SLC4A4: variants seen among roughly 807,000 people sequenced by gnomAD.
SLC4A4 encodes electrogenic sodium bicarbonate cotransporter 1.
SLC4A4 carries 27 observed loss-of-function variants against 111.5 expected under a neutral mutation model. The ratio of observed to expected loss-of-function variants is 0.24; its 90% CI spans 0.18 to 0.33. The LOEUF (loss-of-function observed/expected upper bound fraction) is 0.33, where lower values mean the gene tolerates loss of function less well. SLC4A4 is among the 10% of genes least tolerant of loss of function. The probability of loss-of-function intolerance (pLI) is 1.00; values close to 1 mark genes in which losing one functional copy is unlikely to be tolerated. For synonymous variants in SLC4A4, 443 were observed against 463.4 expected (o/e 0.96, Z 0.57); for missense variants, 909 against 1,315.5 (o/e 0.69, Z 4.78).
chr4:71,488,927 T>TGTGTGTGTGG (rs1473163089), intron 15 of SLC4A4, among the ~76,000 whole-genome samples: 9 of 149,056 alleles, frequency 6.0e-5, no homozygotes, highest in African/African-American at 2.2e-4. Flanking sequence ...TGTGTGTGTG[T>TGTGTGTGTGG]GGTCATGAAG....
chr4:71,394,018 T>C (rs1719557744), intron 6 of SLC4A4, among the ~76,000 whole-genome samples: 1 of 152,102 alleles, frequency 6.6e-6, no homozygotes, highest in Admixed American at 6.6e-5. Flanking sequence ...CAACTCAAGA[T>C]GGATTAAGGA....
chr4:71,515,581 T>G (rs1560578325), intron 16 of SLC4A4, among the ~76,000 whole-genome samples: 2 of 152,210 alleles, frequency 1.3e-5, no homozygotes, highest in Non-Finnish European at 2.9e-5. Context: ...TGTTAAAATC[T>G]TCTACTGTTA....
intron 1 of SLC4A4, among the ~76,000 whole-genome samples, chr4:71,218,762 A>G (rs1560787522): frequency 6.6e-6 from 1 of 152,188 alleles, no homozygotes; most frequent in Non-Finnish European, 1.5e-5. Flanking sequence ...GTCAAGCTTA[A>G]ATAATTCATA....
chr4:71,398,669 T>C (rs752620220), intron 7 of SLC4A4, among the ~76,000 whole-genome samples: 1 of 152,158 alleles, frequency 6.6e-6, no homozygotes, highest in Non-Finnish European at 1.5e-5. Flanking sequence ...AGAAGTAGCA[T>C]ATATTGGAAA....
At chr4:71,266,399 CA>C (rs1472165436) in intron 3 of SLC4A4, among the ~76,000 whole-genome samples, 1 of 152,128 alleles carries the variant, frequency 6.6e-6, no homozygotes, top group African/African-American at 2.4e-5. Flanking sequence ...AACTCTGTGC[CA>C]AATGCCAGCA....
At chr4:71,177,500 G>T (rs1005776678) in intron 2 of SLC4A4, among the ~76,000 whole-genome samples, 5 of 151,570 alleles carry the variant, frequency 3.3e-5, no homozygotes, top group African/African-American at 1.2e-4. Context: ...CAAGCAAATG[G>T]AAAACAAAAA....
intron 1 of SLC4A4, among the ~76,000 whole-genome samples, chr4:71,077,137 A>T (rs573490312): frequency 6.0e-4 from 90 of 149,420 alleles, no homozygotes; most frequent in Non-Finnish European, 6.1e-4. Flanking sequence ...TTGATTAATT[A>T]GTGGTCCTGG....
chr4:71,553,221 T>C (rs1053506356), intron 20 of SLC4A4, among the ~76,000 whole-genome samples: 16 of 151,950 alleles, frequency 1.1e-4, no homozygotes, highest in Non-Finnish European at 4.4e-5. Context: ...AAAAACATCT[T>C]CATATCTAAA....
intron 1 of SLC4A4, among the ~76,000 whole-genome samples, chr4:71,213,311 A>G (rs1038573463): frequency 6.6e-6 from 1 of 152,196 alleles, no homozygotes. Flanking sequence ...TTTACCTCAT[A>G]AAGTATTGGC....
intron 3 of SLC4A4, among the ~76,000 whole-genome samples, chr4:71,308,210 A>G (rs771414139): frequency 6.6e-5 from 10 of 152,122 alleles, no homozygotes; most frequent in African/African-American, 2.4e-4. Context: ...CATATACCAC[A>G]TTGTTCTGTT....
chr4:71,155,923 C>T (rs890520381), intron 2 of SLC4A4, among the ~76,000 whole-genome samples: 33 of 152,160 alleles, frequency 2.2e-4, no homozygotes, highest in Admixed American at 1.2e-3. Flanking sequence ...TTTTGCCTTT[C>T]TTGGTAATAT....
At chr4:71,450,602 T>C (rs1321047852) in intron 10 of SLC4A4, 59 bp downstream of exon 10, 1 of 1,519,706 alleles carries the variant, frequency 6.6e-7, no homozygotes, top group Non-Finnish European at 9.0e-7. Flanking sequence ...AAGGAGGTTG[T>C]GTTAAAAAAA....
At chr4:71,513,961 TC>T (rs1393172456) in intron 16 of SLC4A4, among the ~76,000 whole-genome samples, 1 of 152,228 alleles carries the variant, frequency 6.6e-6, no homozygotes, top group Non-Finnish European at 1.5e-5. Flanking sequence ...TGCTGAGCTA[TC>T]CCTGCATCCC....
chr4:71,135,270 T>C (rs1038445245), intron 2 of SLC4A4, among the ~76,000 whole-genome samples: 1 of 151,384 alleles, frequency 6.6e-6, no homozygotes, highest in African/African-American at 2.4e-5. Flanking sequence ...CACATACTAA[T>C]TTTTGTGGTA....
chr4:71,348,313 TCACACACACACACACACACA>T (rs35326504), intron 4 of SLC4A4, among the ~76,000 whole-genome samples: 2 of 143,730 alleles, frequency 1.4e-5, no homozygotes, highest in Non-Finnish European at 3.1e-5. Context: ...ACTAATTTAG[TCACACACACACACACACACA>T]CACACACACA....
chr4:71,129,947 CAAAG>C (rs1560734967), intron 2 of SLC4A4, among the ~76,000 whole-genome samples: 1 of 151,866 alleles, frequency 6.6e-6, no homozygotes, highest in African/African-American at 2.4e-5. Context: ...CACGTGGACA[CAAAG>C]AAGAGAAAAA....
chr4:71,272,143 A>T (rs1722747685), intron 3 of SLC4A4, among the ~76,000 whole-genome samples: 1 of 152,208 alleles, frequency 6.6e-6, no homozygotes, highest in Admixed American at 6.5e-5. Flanking sequence ...ATCCAAGGAT[A>T]TGTTTTACAG....
intron 18 of SLC4A4, among the ~76,000 whole-genome samples, chr4:71,536,588 C>T (rs1475478996): frequency 2.0e-5 from 3 of 149,608 alleles, no homozygotes; most frequent in Admixed American, 1.3e-4. Flanking sequence ...CTTCTGCCTC[C>T]GGGGTTCAAG....
intron 16 of SLC4A4, among the ~76,000 whole-genome samples, chr4:71,511,294 C>T (rs1220291355): frequency 6.6e-6 from 1 of 152,068 alleles, no homozygotes; most frequent in Non-Finnish European, 1.5e-5. Context: ...TCTTGTAATA[C>T]AGGTCTGGTG....
Sources: gnomAD v4.1 joint callset for allele counts (sites outside exome capture counted in the v4.1 genomes callset) on GRCh38, gnomAD v4.1.1 for gene constraint, MANE v1.5 for transcripts, NCBI Gene and HGNC (gene_info 2026-07-23, HGNC 2026-07-21) for gene names.